GULP1: variants seen among roughly 807,000 people sequenced by gnomAD.
GULP1 encodes PTB domain-containing engulfment adapter protein 1.
GULP1 carries 19 observed loss-of-function variants against 40.9 expected under a neutral mutation model. The observed-to-expected ratio is 0.46, with a 90% CI of 0.32 to 0.68. The LOEUF is 0.68. Ranked by LOEUF, GULP1 falls within the 30% of genes least tolerant of loss-of-function variation. The pLI is 0.03. For synonymous variants in GULP1, 119 were observed against 117.6 expected (o/e 1.01, Z -0.08); for missense variants, 312 against 362.2 (o/e 0.86, Z 1.12).
chr2:188,302,741 A>G (rs893473323), intron 1 of GULP1, among the ~76,000 whole-genome samples: 6 of 152,114 alleles, frequency 3.9e-5, no homozygotes, highest in African/African-American at 1.4e-4. Context: ...TGCATTGCCA[A>G]ATTTAGCAAG....
chr2:188,408,188 C>T (rs932221291), intron 2 of GULP1, among the ~76,000 whole-genome samples: 2 of 152,144 alleles, frequency 1.3e-5, no homozygotes, highest in Non-Finnish European at 2.9e-5. Flanking sequence ...TCTGTCTTGC[C>T]ATGTGATGCC....
chr2:188,396,920 C>T (rs2051359199), intron 2 of GULP1, among the ~76,000 whole-genome samples: 1 of 152,172 alleles, frequency 6.6e-6, no homozygotes, highest in South Asian at 2.1e-4. Flanking sequence ...TTGCCCACGG[C>T]TCCCTAAATT....
chr2:188,308,297 A>G (rs1356877253), intron 1 of GULP1, among the ~76,000 whole-genome samples: 1 of 152,192 alleles, frequency 6.6e-6, no homozygotes, highest in Non-Finnish European at 1.5e-5. Context: ...ATTTCCATCA[A>G]GGGCTAATGG....
At chr2:188,312,081 A>G (rs1344909862) in intron 1 of GULP1, among the ~76,000 whole-genome samples, 1 of 151,990 alleles carries the variant, frequency 6.6e-6, no homozygotes, top group Non-Finnish European at 1.5e-5. Context: ...TAATTCAAAA[A>G]CACCATACCT....
At chr2:188,430,790 C>A (rs989665495) in intron 2 of GULP1, among the ~76,000 whole-genome samples, 1 of 152,162 alleles carries the variant, frequency 6.6e-6, no homozygotes, top group Non-Finnish European at 1.5e-5. Context: ...TTTTCCTTCA[C>A]CTTTCTGTGT....
chr2:188,440,825 A>T (rs2057856322), intron 2 of GULP1, among the ~76,000 whole-genome samples: 1 of 152,222 alleles, frequency 6.6e-6, no homozygotes, highest in Non-Finnish European at 1.5e-5. Flanking sequence ...TTTTTGGTAG[A>T]AAAAAAGATA....
intron 2 of GULP1, among the ~76,000 whole-genome samples, chr2:188,458,620 A>G (rs1575394207): frequency 6.6e-6 from 1 of 152,312 alleles, no homozygotes; most frequent in African/African-American, 2.4e-5. Context: ...ATGCATAATA[A>G]TTACATTATG....
intron 9 of GULP1, among the ~76,000 whole-genome samples, chr2:188,580,399 A>G (rs1381623824): frequency 2.6e-5 from 4 of 151,746 alleles, no homozygotes; most frequent in Admixed American, 6.6e-5. Context: ...TAAAAATACA[A>G]AAAATTAGCC....
chr2:188,580,582 A>G (rs865956376), intron 9 of GULP1, among the ~76,000 whole-genome samples: 8 of 151,762 alleles, frequency 5.3e-5, no homozygotes, highest in Admixed American at 1.3e-4. Flanking sequence ...AGATCAACAG[A>G]GAAATAAAAA....
intron 4 of GULP1, among the ~76,000 whole-genome samples, chr2:188,506,720 G>A (rs2063954707): frequency 6.6e-6 from 1 of 151,948 alleles, no homozygotes; most frequent in Non-Finnish European, 1.5e-5. Flanking sequence ...ACATCACTAT[G>A]TAGAGTAAAG....
intron 2 of GULP1, among the ~76,000 whole-genome samples, chr2:188,476,012 G>A (rs2060982686): frequency 6.6e-6 from 1 of 152,110 alleles, no homozygotes; most frequent in South Asian, 2.1e-4. Flanking sequence ...GCAACAACTA[G>A]GTTTCAAGAA....
intron 2 of GULP1, among the ~76,000 whole-genome samples, chr2:188,394,371 A>T (rs2050935809): frequency 6.6e-6 from 1 of 151,990 alleles, no homozygotes; most frequent in African/African-American, 2.4e-5. Context: ...TCATTTCCAG[A>T]CTTTCAGGTT....
chr2:188,589,859 T>G, intron 11 of GULP1: 1 of 495,928 alleles, frequency 2.0e-6, no homozygotes, highest in East Asian at 3.3e-5. Flanking sequence ...CAGCTTCATA[T>G]GGGTATATCT....
intron 2 of GULP1, among the ~76,000 whole-genome samples, chr2:188,459,658 C>G (rs1233452256): frequency 6.6e-6 from 1 of 151,956 alleles, no homozygotes; most frequent in Admixed American, 6.6e-5. Flanking sequence ...AATGAGATAC[C>G]ATTTGTCCAT....
intron 4 of GULP1, among the ~76,000 whole-genome samples, chr2:188,486,187 C>A (rs1212510774): frequency 6.6e-6 from 1 of 151,920 alleles, no homozygotes; most frequent in Admixed American, 6.6e-5. Context: ...CAGTTTGAAT[C>A]AAGAGTGTTA....
chr2:188,587,596 A>C (rs1050152721), intron 10 of GULP1, among the ~76,000 whole-genome samples: 1 of 152,136 alleles, frequency 6.6e-6, no homozygotes, highest in African/African-American at 2.4e-5. Flanking sequence ...GACATTAAGA[A>C]ATCTTCACTA....
chr2:188,527,972 A>G (rs1686609397), intron 5 of GULP1, among the ~76,000 whole-genome samples: 1 of 152,138 alleles, frequency 6.6e-6, no homozygotes, highest in Non-Finnish European at 1.5e-5. Context: ...TCAGGTTGGG[A>G]TGATCTATAT....
At chr2:188,293,754 G>T in intron 1 of GULP1, 1 of 152,338 alleles carries the variant, frequency 6.6e-6, no homozygotes, top group Non-Finnish European at 1.5e-5. Flanking sequence ...CTGTCCAGGA[G>T]TGTTTTCCAA....
chr2:188,468,846 A>G (rs2060348136), intron 2 of GULP1, among the ~76,000 whole-genome samples: 1 of 152,184 alleles, frequency 6.6e-6, no homozygotes. Context: ...GGGCAATTGC[A>G]ATAAGGAAAA....
Sources: allele counts gnomAD v4.1 joint callset (sites outside exome capture counted in the v4.1 genomes callset), GRCh38; gene constraint gnomAD v4.1.1; transcripts MANE v1.5; gene names NCBI Gene and HGNC (gene_info 2026-07-23, HGNC 2026-07-21).